PNISR: variants seen among roughly 807,000 people sequenced by gnomAD.
PNISR encodes the protein arginine/serine-rich protein PNISR.
In PNISR, 20 loss-of-function variants were observed where a neutral mutation model predicts 93.4. That is an observed-to-expected ratio of 0.21 (90% confidence interval 0.15 to 0.31). PNISR has a LOEUF of 0.31. Ranked by LOEUF, PNISR falls within the 10% of genes least tolerant of loss-of-function variation. The probability of loss-of-function intolerance (pLI) is 1.00; values close to 1 mark genes in which losing one functional copy is unlikely to be tolerated. For missense variants in PNISR, 893 were observed against 985.4 expected (o/e 0.91, Z 1.25); for synonymous variants, 305 against 306.5 (o/e 0.99, Z 0.05).
intron 7 of PNISR, among the ~76,000 whole-genome samples, chr6:99,406,498 G>A (rs1036178748): frequency 6.6e-6 from 1 of 151,772 alleles, no homozygotes; most frequent in South Asian, 2.1e-4. Context: ...ACATATAATG[G>A]GCCTGAAATG....
intron 2 of PNISR, chr6:99,415,441 G>A (rs1777551017): frequency 6.6e-6 from 1 of 152,156 alleles, no homozygotes; most frequent in Non-Finnish European, 1.5e-5. Context: ...GGAAAAGATG[G>A]GAGGGAAGGT....
Position 99,416,401 on chromosome 6 carries a change from G to C in PNISR, c.-84C>G, listed in dbSNP as rs1190889031. ...TTAGGTTGATTCAGACTACAGCTTC[G>C]AAGCATAGCAGCAAGATTATGTATG... On this transcript the variant is annotated 5_prime_UTR_variant, in exon 2 of 12. Transcript: ENST00000369239. 2 of 1,218,440 alleles carry C rather than the reference G, an allele frequency of 1.6e-6. No homozygotes were observed. Among genetic ancestry groups the C allele is most frequent in the Non-Finnish European group, 2.0e-6 (2 of 975,960 alleles). The allele number at this position is 1,218,440 out of a possible 1,614,324, so 75.5% of individuals were successfully genotyped here. A position where few individuals can be genotyped will look rare whatever the true frequency, so the allele number is the denominator to read the frequency against.
At chr6:99,406,943 G>A (rs1190176727) in intron 7 of PNISR, among the ~76,000 whole-genome samples, 1 of 151,984 alleles carries the variant, frequency 6.6e-6, no homozygotes, top group African/African-American at 2.4e-5. Context: ...CAGGCATTTG[G>A]GAGAAAAGAG....
Position 99,402,666 on chromosome 6 carries a change from T to A in PNISR, c.1201A>T (p.Ser401Cys). The change falls in exon 11 of 12, where the codon AGT becomes TGT. Residue 401 changes from serine (S) to cysteine (C), a missense_variant. By Grantham distance (112) the Ser-to-Cys change is moderately radical. Coordinates refer to ENST00000369239, the MANE Select transcript of PNISR (RefSeq NM_032870.4). ...YGSGDSEDER[S>C]DRGSESSDTD... ...TCAGATGACTCAGATCCTCTGTCAC[T>A]CCTCTCATCTTCACTGTCTCCTGAT... 1 of 1,613,104 alleles carries A rather than the reference T, an allele frequency of 6.2e-7. No individual in the cohort carries two copies. Among genetic ancestry groups the A allele is most frequent in the East Asian group, 2.2e-5 (1 of 44,858 alleles).
rs1431300925 is a variant in PNISR at position 99,398,837 on chromosome 6, A to G, written c.*1703T>C. On this transcript the variant is annotated 3_prime_UTR_variant, in exon 12 of 12. Coordinates refer to ENST00000369239, the MANE Select transcript of PNISR (RefSeq NM_032870.4). ...ATTGCACATTTTATTTTGTCTCCAGATGTGATCGATGTCTAAACTATATAG... is the reference window on the plus strand; with the variant it reads ...ATTGCACATTTTATTTTGTCTCCAGGTGTGATCGATGTCTAAACTATATAG... 6.6e-6 allele frequency: 1 copy of G among 152,130 alleles called. No individual in the cohort carries two copies. Among genetic ancestry groups the G allele is most frequent in the Non-Finnish European group, 1.5e-5 (1 of 67,940 alleles). 9.4% of individuals were successfully genotyped at this position (152,130 alleles called of 1,614,324 possible). A position where few individuals can be genotyped will look rare whatever the true frequency, so the allele number is the denominator to read the frequency against.
rs115698132 is a variant in PNISR at position 99,401,934 on chromosome 6, T to C, written c.1328-304A>G. On this transcript the variant is annotated intron_variant, in intron 11 of 11. Transcript: ENST00000369239. Reference sequence around the variant, plus strand: ...GTAATTTATACCCACAGCACATGCCTAGCCACATTTCAAGTTCTCTATAGC... The same window carrying C: ...GTAATTTATACCCACAGCACATGCCCAGCCACATTTCAAGTTCTCTATAGC... Among the ~76,000 whole-genome samples, 1,124 of 152,336 alleles carry C rather than the reference T, an allele frequency of 7.4e-3. 15 individuals are homozygous for C. The highest frequency in any genetic ancestry group is 0.026 in the African/African-American group (1,061 of 41,574).
At position 99,400,877 on chromosome 6, in the gene PNISR, TTC is replaced by T; in HGVS notation, c.2079_2080del (p.Lys694ThrfsTer9). 1.3e-6 allele frequency: 2 copies of T among 1,587,178 alleles called. No individual in the cohort carries two copies. The highest frequency in any genetic ancestry group is 2.2e-5 in the East Asian group (1 of 44,760). On this transcript the variant is annotated frameshift_variant, in exon 12 of 12. Coordinates refer to ENST00000369239, the MANE Select transcript of PNISR (RefSeq NM_032870.4). LOFTEE classifies it high-confidence loss of function. Reference sequence around the variant, plus strand: ...AAAATCTTTTTCTTCCCTTTTTTGTTTCTCTTTTCTTTTATCCTGTTCACGTT... The same window carrying T: ...AAAATCTTTTTCTTCCCTTTTTTGTTTCTTTTCTTTTATCCTGTTCACGTT...
chr6:99,401,930 T>C (rs1404636079), intron 11 of PNISR, among the ~76,000 whole-genome samples: 1 of 152,236 alleles, frequency 6.6e-6, no homozygotes, highest in Admixed American at 6.5e-5. Context: ...CCACAGCACA[T>C]GCCTAGCCAC....
At chr6:99,404,257 T>A (rs558925773) in intron 9 of PNISR, 1 of 364,246 alleles carries the variant, frequency 2.7e-6, no homozygotes, top group African/African-American at 2.1e-5. Context: ...GGTAGATAAT[T>A]CAAAATTCAT....
rs376912530 is a variant in PNISR, at chr6:99,407,930, T to C, written c.864+151A>G. ...TCCTTACTGTATCTTCAGTAACACATATATAAAATCAGAATCCTCAATATA... is the reference window on the plus strand; with the variant it reads ...TCCTTACTGTATCTTCAGTAACACACATATAAAATCAGAATCCTCAATATA... On this transcript the variant is annotated intron_variant, in intron 7 of 11. Coordinates refer to ENST00000369239, the MANE Select transcript of PNISR (RefSeq NM_032870.4). The C allele has an allele frequency of 1.9e-5, 11 of 570,714 alleles. No homozygotes were observed. In the Admixed American group the frequency reaches 2.7e-4, roughly 14 times the overall value. 35.4% of individuals were successfully genotyped at this position (570,714 alleles called of 1,614,324 possible). A position where few individuals can be genotyped will look rare whatever the true frequency, so the allele number is the denominator to read the frequency against.
intron 3 of PNISR, among the ~76,000 whole-genome samples, chr6:99,413,601 C>T (rs1467790328): frequency 6.6e-6 from 1 of 152,110 alleles, no homozygotes; most frequent in East Asian, 1.9e-4. Context: ...GCTAGAACTA[C>T]AGGCATGAAC....
At chr6:99,409,391 ACT>A in intron 5 of PNISR, 47 bp from the exon 6 acceptor site, 1 of 1,537,426 alleles carries the variant, frequency 6.5e-7, no homozygotes, top group Non-Finnish European at 8.9e-7. Context: ...AATACAATAT[ACT>A]CTCTGGGACA....
intron 8 of PNISR, 81 bp from the exon 9 acceptor site, chr6:99,404,783 A>G (rs1775944656): frequency 1.3e-6 from 1 of 749,748 alleles, no homozygotes; most frequent in African/African-American, 1.8e-5. Context: ...TTAAAATGCA[A>G]AGCCATTTTT....
At chr6:99,421,294 C>CA (rs1406684755) in intron 1 of PNISR, among the ~76,000 whole-genome samples, 3 of 152,090 alleles carry the variant, frequency 2.0e-5, no homozygotes, top group East Asian at 1.9e-4. Flanking sequence ...CACACTGCCG[C>CA]AAAAAAATCA....
chr6:99,408,521 C>G (rs754385870), intron 6 of PNISR, among the ~76,000 whole-genome samples: 1 of 152,014 alleles, frequency 6.6e-6, no homozygotes, highest in Non-Finnish European at 1.5e-5. Context: ...CTTTTTTCCA[C>G]AGGTGAGGAA....
intron 2 of PNISR, chr6:99,415,783 G>A (rs1777607686): frequency 6.6e-6 from 1 of 152,074 alleles, no homozygotes; most frequent in Non-Finnish European, 1.5e-5. Context: ...TTGTATTGCA[G>A]GATCACAAAA....
At chr6:99,413,391 TATCCATCCATCCATCCATCCATCCATCC>T (rs34008318) in intron 3 of PNISR, among the ~76,000 whole-genome samples, 8 of 149,500 alleles carry the variant, frequency 5.4e-5, no homozygotes, top group Non-Finnish European at 8.9e-5. Context: ...TTTACGTATC[TATCCATCCATCCATCCATCCATCCATCC>T]ATCCATCCAT....
intron 10 of PNISR, 172 bp from the exon 11 acceptor site, chr6:99,402,882 C>T: frequency 1.1e-5 from 5 of 452,080 alleles, no homozygotes; most frequent in Non-Finnish European, 1.6e-5. Context: ...GTTCACAGAA[C>T]CTTCAGGCAA....
Position 99,408,314 on chromosome 6 carries a change from A to G in PNISR, c.674-43T>C, listed in dbSNP as rs562947472. On this transcript the variant is annotated intron_variant, in intron 6 of 11. Transcript: ENST00000369239. The stretch of plus-strand genomic sequence containing the variant: ...AATATACGCAAGTCAGTTAAGTAAA[A>G]TATTTCTACAAACTTGTGAGTAAAT... 6.0e-6 allele frequency: 8 copies of G among 1,332,876 alleles called. No homozygotes were observed. In the Admixed American group the frequency reaches 1.5e-4, roughly 25 times the overall value. 82.6% of individuals were successfully genotyped at this position (1,332,876 alleles called of 1,614,324 possible). A position where few individuals can be genotyped will look rare whatever the true frequency, so the allele number is the denominator to read the frequency against.
Sources: allele counts gnomAD v4.1 joint callset (sites outside exome capture counted in the v4.1 genomes callset), GRCh38; gene constraint gnomAD v4.1.1; transcripts MANE v1.5; gene names NCBI Gene and HGNC (gene_info 2026-07-23, HGNC 2026-07-21).